ENO1: variants seen among roughly 807,000 people sequenced by gnomAD.
The protein encoded by ENO1 is alpha-enolase.
A neutral mutation model predicts 46.3 loss-of-function variants in ENO1; 33 were observed. The observed-to-expected ratio is 0.71, with a 90% CI of 0.54 to 0.95. The LOEUF (loss-of-function observed/expected upper bound fraction) is 0.95, where lower values mean the gene tolerates loss of function less well. Ranked by LOEUF, ENO1 falls within the 40% of genes least tolerant of loss-of-function variation. ENO1 has a pLI of 0.00. For missense variants in ENO1, 488 were observed against 553.3 expected, an observed-to-expected ratio of 0.88 and a Z score of 1.18; for synonymous variants, 220 against 216.0, an observed-to-expected ratio of 1.02 and a Z score of -0.16.
chr1:8,875,927 G>A (rs1642723290), intron 1 of ENO1: 1 of 152,008 alleles, frequency 6.6e-6, no homozygotes, highest in African/African-American at 2.4e-5. Context: ...AGCCAATAAT[G>A]ACATCTAATT....
intron 11 of ENO1, among the ~76,000 whole-genome samples, chr1:8,862,288 C>T (rs567773477): frequency 3.3e-5 from 5 of 152,176 alleles, no homozygotes; most frequent in South Asian, 2.1e-4. Flanking sequence ...AAAAGCCCTG[C>T]GTCTACTGTT....
At chr1:8,865,026 C>T (rs1642480799) in intron 8 of ENO1, among the ~76,000 whole-genome samples, 2 of 152,210 alleles carry the variant, frequency 1.3e-5, no homozygotes, top group Admixed American at 1.3e-4. Flanking sequence ...CACAGACTGC[C>T]TCTGCTCCTG....
intron 3 of ENO1, chr1:8,870,996 C>CA (rs1311933754): frequency 8.0e-7 from 1 of 1,243,844 alleles, no homozygotes; most frequent in Non-Finnish European, 1.0e-6. Flanking sequence ...GAGAGCATTT[C>CA]AGGGGCCATG....
Position 8,870,012 on chromosome 1 carries a change from C to T in ENO1, c.240+440G>A, listed in dbSNP as rs139703322. On this transcript the variant is annotated intron_variant, in intron 4 of 11. Transcript: ENST00000234590. ...CCCAGCCCTACTTCACCTCCAGCAGCTCTTTTATGTTTGACATACTGAGAT... is the reference window on the plus strand; with the variant it reads ...CCCAGCCCTACTTCACCTCCAGCAGTTCTTTTATGTTTGACATACTGAGAT... Among the ~76,000 whole-genome samples the T allele has an allele frequency of 5.3e-5, 8 of 152,316 alleles. No homozygotes were observed. The East Asian group carries it at 1.5e-3, about 29-fold the overall frequency.
intron 4 of ENO1, 130 bp downstream of exon 4, chr1:8,870,322 G>T: frequency 1.7e-6 from 2 of 1,179,824 alleles, no homozygotes; most frequent in Non-Finnish European, 2.4e-6. Context: ...GATTGTTCTC[G>T]TGCGTGACAG....
intron 2 of ENO1, among the ~76,000 whole-genome samples, chr1:8,872,357 G>A (rs1642650876): frequency 6.6e-6 from 1 of 151,604 alleles, no homozygotes; most frequent in Admixed American, 6.6e-5. Context: ...TCCAATGCGA[G>A]CCACACAGGG....
Position 8,861,401 on chromosome 1 carries a change from T to C in ENO1, c.1264A>G (p.Lys422Glu), listed in dbSNP as rs775022376. 1.5e-5 allele frequency: 24 copies of C among 1,614,066 alleles called. No individual in the cohort carries two copies. Among genetic ancestry groups the C allele is most frequent in the Non-Finnish European group, 1.9e-5 (22 of 1,180,014 alleles). ...RIEEELGSKA[K>E]FAGRNFRNPL... ...TTTCTGAAGTTCCTGCCGGCAAACT[T>C]AGCCTTGCTGCCCAGCTCCTCTTCA... The change falls in exon 12 of 12, where the codon AAG (lysine) becomes GAG (glutamate). Residue 422 changes from lysine (K) to glutamate (E), a missense_variant. Lys to Glu is a moderately conservative substitution (Grantham distance 56). Transcript: ENST00000234590.
In ENO1 at chr1:8,861,447, TA is replaced by T. The variant is rs1466185403; in HGVS notation, c.1236-19del. ...CTTCAATTCTTGGGAAGGAGAAAGG[TA>T]AAGAGATGGGGAGGAAAAAAGAAAA... is the stretch of plus-strand genomic sequence containing the variant. On this transcript the variant is annotated intron_variant, in intron 11 of 11. Transcript: ENST00000234590. The T allele has an allele frequency of 2.5e-6, 4 of 1,613,776 alleles. No homozygotes were observed. Among genetic ancestry groups the T allele is most frequent in the Non-Finnish European group, 3.4e-6 (4 of 1,179,876 alleles).
intron 2 of ENO1, among the ~76,000 whole-genome samples, chr1:8,872,322 C>T (rs529063970): frequency 2.3e-4 from 35 of 152,146 alleles, no homozygotes; most frequent in Non-Finnish European, 4.1e-4. Flanking sequence ...CTGTGGATTA[C>T]TCCAGCAGCA....
chr1:8,871,605 C>T (rs573670109), intron 3 of ENO1: 1 of 1,201,808 alleles, frequency 8.3e-7, no homozygotes, highest in Admixed American at 4.1e-5. Context: ...GCTTGGGTTC[C>T]TGTCCTAACC....
rs560189796 is a variant in ENO1 at position 8,878,509 on chromosome 1, G to A, written c.-10+71C>T. 1.1e-3 allele frequency: 471 copies of A among 423,548 alleles called. 1 individual carries two copies. The highest frequency in any genetic ancestry group is 2.0e-3 in the Non-Finnish European group (414 of 207,668). 26.2% of individuals were successfully genotyped at this position (423,548 alleles called of 1,614,324 possible). A position where few individuals can be genotyped will look rare whatever the true frequency, so the allele number is the denominator to read the frequency against. On this transcript the variant is annotated intron_variant, in intron 1 of 11. Coordinates refer to ENST00000234590, the MANE Select transcript of ENO1 (RefSeq NM_001428.5). ...GCGGGCGCGCCGCCTCCCTCGGAGG[G>A]AAAAGAGCCCCACAAGCCCAGAAAA... is the stretch of plus-strand genomic sequence containing the variant.
chr1:8,863,588 G>C lies in ENO1; in HGVS notation c.1068-245C>G, dbSNP rs372082529. 3.3e-5 allele frequency among the ~76,000 whole-genome samples: 5 copies of C among 152,262 alleles called. No homozygotes were observed. The East Asian group carries it at 7.7e-4, about 23-fold the overall frequency. The stretch of plus-strand genomic sequence containing the variant: ...ACACTGGGTTCAGCCTCCCTTGATG[G>C]GAGAAAGATTAGTGTTCTCTGACAG... On this transcript the variant is annotated intron_variant, in intron 9 of 11. Transcript: ENST00000234590.
chr1:8,874,347 C>A (rs535942008), intron 2 of ENO1, among the ~76,000 whole-genome samples: 1 of 152,076 alleles, frequency 6.6e-6, no homozygotes, highest in East Asian at 1.9e-4. Context: ...CAGAGGCGGG[C>A]AGATCACCTG....
In ENO1 at chr1:8,865,443, T is replaced by C; in HGVS notation, c.707A>G (p.Tyr236Cys). The C allele has an allele frequency of 6.2e-7, 1 of 1,613,682 alleles. No homozygotes were observed. Residue 236 changes from tyrosine (Y) to cysteine (C), a missense_variant, in exon 8 of 12, where the codon TAC (tyrosine) becomes TGC (cysteine). Coordinates refer to ENST00000234590, the MANE Select transcript of ENO1 (RefSeq NM_001428.5). ...CATGCCGATGACCACCTTATCAGTG[T>C]AGCCAGCTTTCCCAATAGCAGTCTT... ...LLKTAIGKAG[Y>C]TDKVVIGMDV...
chr1:8,867,105 T>C lies in ENO1; in HGVS notation c.444+12A>G. On this transcript the variant is annotated intron_variant, in intron 6 of 11. Coordinates refer to ENST00000234590, the MANE Select transcript of ENO1 (RefSeq NM_001428.5). ...CAACTCCTTGCTTGGGAAGTTCCAA[T>C]AAACCACTCACCGGGACTGGCAGGA... is the stretch of plus-strand genomic sequence containing the variant. 1 of 1,610,228 alleles carries C rather than the reference T, an allele frequency of 6.2e-7. No homozygotes were observed. The highest frequency in any genetic ancestry group is 8.5e-7 in the Non-Finnish European group (1 of 1,176,882).
At chr1:8,863,197 TGAGGTCAGAGAAGAAAG>T in intron 10 of ENO1, 21 bp downstream of exon 10, 1 of 1,609,150 alleles carries the variant, frequency 6.2e-7, no homozygotes, top group South Asian at 1.1e-5. Flanking sequence ...CCTAGGAAGT[TGAGGTCAGAGAAGAAAG>T]GAGGAGACGC....
rs1642389889 is a variant in ENO1 at position 8,861,035 on chromosome 1, C to T, written c.*325G>A. 4 of 272,430 alleles carry T rather than the reference C, an allele frequency of 1.5e-5. No individual in the cohort carries two copies. In the South Asian group the frequency reaches 3.1e-4, roughly 21 times the overall value. The allele number at this position is 272,430 out of a possible 1,614,324, so 16.9% of individuals were successfully genotyped here. A position where few individuals can be genotyped will look rare whatever the true frequency, so the allele number is the denominator to read the frequency against. On this transcript the variant is annotated 3_prime_UTR_variant, in exon 12 of 12. Coordinates refer to ENST00000234590, the MANE Select transcript of ENO1 (RefSeq NM_001428.5). ...GGTCACTGAGGCTTTTTATTTTGAG[C>T]ACAAAACCACCGGGGATCTAGCCTG...
chr1:8,866,078 A>AC, intron 7 of ENO1: 2 of 179,802 alleles, frequency 1.1e-5, no homozygotes, highest in African/African-American at 3.1e-5. Context: ...CTCCATCTCA[A>AC]AAAAAAAAAA....
intron 1 of ENO1, among the ~76,000 whole-genome samples, chr1:8,876,724 G>A (rs534847081): frequency 2.8e-4 from 43 of 152,138 alleles, no homozygotes; most frequent in Admixed American, 7.2e-4. Flanking sequence ...TGTGAACCCG[G>A]GAGGTGGAGC....
Sources: gnomAD v4.1 joint callset for allele counts (sites outside exome capture counted in the v4.1 genomes callset) on GRCh38, gnomAD v4.1.1 for gene constraint, MANE v1.5 for transcripts, NCBI Gene and HGNC (gene_info 2026-07-23, HGNC 2026-07-21) for gene names.